Variants in YEATS2 observed in about 807,000 individuals in gnomAD.
YEATS2 encodes the protein YEATS domain-containing protein 2.
YEATS2 carries 77 observed loss-of-function variants against 163.2 expected under a neutral mutation model. That is an observed-to-expected ratio of 0.47 (90% CI 0.39 to 0.57). The LOEUF (loss-of-function observed/expected upper bound fraction) is 0.57, where lower values mean the gene tolerates loss of function less well. YEATS2 is among the 20% of genes least tolerant of loss of function. YEATS2 has a pLI of 0.00. For synonymous variants in YEATS2, 631 were observed against 645.1 expected (o/e 0.98, Z 0.33); for missense variants, 1,549 against 1,729.8 (o/e 0.90, Z 1.85).
At chr3:183,718,408 T>C (rs1290450154) in intron 3 of YEATS2, 92 bp from the exon 4 acceptor site, 15 of 905,866 alleles carry the variant, frequency 1.7e-5, no homozygotes, top group Non-Finnish European at 1.8e-5. Flanking sequence ...CTTTTTTTTT[T>C]CACTCATTCA....
intron 1 of YEATS2, among the ~76,000 whole-genome samples, chr3:183,703,237 C>CTT (rs200837260): frequency 0.018 from 2,760 of 152,236 alleles, 87 homozygotes; most frequent in East Asian, 0.15. Context: ...ATTATTTTTA[C>CTT]TTAAAAGATC....
rs1259824423 is a variant in YEATS2, at chr3:183,775,774, AT to A, written c.2369-139del. The A allele has an allele frequency of 3.1e-6, 4 of 1,279,986 alleles. No individual in the cohort carries two copies. The African/African-American group carries it at 5.8e-5, about 19-fold the overall frequency. 79.3% of individuals were successfully genotyped at this position (1,279,986 alleles called of 1,614,324 possible). A position where few individuals can be genotyped will look rare whatever the true frequency, so the allele number is the denominator to read the frequency against. On this transcript the variant is annotated intron_variant, in intron 17 of 30. Transcript: ENST00000305135. ...CTCACTCTTGTCACAGGGTAGGTAG[AT>A]TACAGAAAAGACGGAGGAAAATGGG...
At chr3:183,790,704 A>G in intron 20 of YEATS2, 93 bp from the exon 21 acceptor site, 1 of 1,364,794 alleles carries the variant, frequency 7.3e-7, no homozygotes. Context: ...AATAGATGAT[A>G]TTTAGTGTGT....
intron 1 of YEATS2, among the ~76,000 whole-genome samples, chr3:183,712,187 CTTTTATTTTA>C (rs58510341): frequency 1.0e-3 from 113 of 113,460 alleles, no homozygotes; most frequent in Non-Finnish European, 1.7e-3. Flanking sequence ...ATTTTATGTT[CTTTTATTTTA>C]TTTTATTTTA....
At chr3:183,790,658 A>T in intron 20 of YEATS2, 139 bp from the exon 21 acceptor site, 1 of 861,104 alleles carries the variant, frequency 1.2e-6, no homozygotes, top group Non-Finnish European at 1.7e-6. Context: ...ATCTTTTTTA[A>T]ATGGTATGGC....
intron 21 of YEATS2, chr3:183,793,318 G>A: frequency 9.1e-7 from 1 of 1,096,002 alleles, no homozygotes; most frequent in African/African-American, 1.6e-5. Context: ...TTTGGATAGA[G>A]AACAAAAAAT....
chr3:183,720,193 C>T (rs916339698), intron 4 of YEATS2, among the ~76,000 whole-genome samples: 4 of 151,966 alleles, frequency 2.6e-5, no homozygotes, highest in African/African-American at 4.8e-5. Flanking sequence ...ATGTGATCAC[C>T]ACTAGATTAT....
intron 10 of YEATS2, among the ~76,000 whole-genome samples, chr3:183,752,824 G>A (rs943017856): frequency 2.2e-4 from 33 of 151,500 alleles, no homozygotes; most frequent in African/African-American, 7.0e-4. Context: ...TTGAGATGGA[G>A]TCTTGCTCTG....
rs1725568212 is a variant in YEATS2, at chr3:183,800,512, G to C, written c.3372G>C (p.Glu1124Asp). The change falls in exon 24 of 31, where the codon GAG becomes GAC. Residue 1124 changes from glutamate (E) to aspartate (D), a missense_variant. By Grantham distance (45) the Glu-to-Asp change is conservative. Transcript: ENST00000305135. ...CTGGACCGAGTTGCCTCTCTCAGGA[G>C]GGTCAGACAGCAGTGAAAACAGAAG... ...ETPGPSCLSQ[E>D]GQTAVKTEES... The C allele has an allele frequency of 6.2e-7, 1 of 1,614,034 alleles. No homozygotes were observed. Among genetic ancestry groups the C allele is most frequent in the South Asian group, 1.1e-5 (1 of 91,078 alleles).
chr3:183,785,588 C>T (rs1054066001), intron 19 of YEATS2, among the ~76,000 whole-genome samples: 4 of 151,556 alleles, frequency 2.6e-5, no homozygotes, highest in South Asian at 2.1e-4. Context: ...CCCAGGAGTT[C>T]GAGGCTGCAG....
intron 8 of YEATS2, among the ~76,000 whole-genome samples, chr3:183,744,035 G>C (rs2203985): frequency 0.23 from 34,947 of 150,456 alleles, 4,270 homozygotes; most frequent in East Asian, 0.31. Flanking sequence ...AAATAAAAGG[G>C]CACACAGCCA....
chr3:183,800,412 G>T, intron 23 of YEATS2, 54 bp from the exon 24 acceptor site: 1 of 1,332,726 alleles, frequency 7.5e-7, no homozygotes, highest in South Asian at 1.2e-5. Context: ...GCCTGCACGT[G>T]TCCTTCCACC....
chr3:183,760,174 T>C (rs1721192428), intron 13 of YEATS2, among the ~76,000 whole-genome samples: 1 of 152,226 alleles, frequency 6.6e-6, no homozygotes, highest in Non-Finnish European at 1.5e-5. Flanking sequence ...TTGAAAGTCT[T>C]AACTCTGCTG....
intron 5 of YEATS2, 104 bp downstream of exon 5, chr3:183,722,240 A>G: frequency 2.4e-6 from 3 of 1,261,466 alleles, no homozygotes; most frequent in Non-Finnish European, 3.2e-6. Context: ...AATCTTAGGA[A>G]ATAGGTTTGT....
intron 29 of YEATS2, among the ~76,000 whole-genome samples, chr3:183,808,510 G>A (rs1231150312): frequency 6.6e-6 from 1 of 152,128 alleles, no homozygotes; most frequent in Non-Finnish European, 1.5e-5. Context: ...TCCTTTCCTC[G>A]TGGATCCTCT....
At chr3:183,738,066 C>T (rs1022252398) in intron 8 of YEATS2, among the ~76,000 whole-genome samples, 17 of 151,958 alleles carry the variant, frequency 1.1e-4, no homozygotes, top group African/African-American at 3.4e-4. Context: ...TTTTGGGGCA[C>T]GACAAACCAT....
chr3:183,775,860 C>G, intron 17 of YEATS2, 55 bp from the exon 18 acceptor site: 1 of 1,608,282 alleles, frequency 6.2e-7, no homozygotes, highest in Non-Finnish European at 8.5e-7. Flanking sequence ...GTTTTTTATG[C>G]TAAAGCTTTG....
intron 17 of YEATS2, among the ~76,000 whole-genome samples, chr3:183,774,874 T>G (rs1722813345): frequency 6.6e-6 from 1 of 152,132 alleles, no homozygotes; most frequent in African/African-American, 2.4e-5. Flanking sequence ...AAGTTAAATG[T>G]GTAAGAAAAG....
intron 1 of YEATS2, among the ~76,000 whole-genome samples, chr3:183,699,705 C>A (rs1713863427): frequency 1.3e-5 from 2 of 151,922 alleles, no homozygotes; most frequent in Admixed American, 1.3e-4. Context: ...GGGGAAAGGA[C>A]GCAGGAAACA....
Sources: allele counts gnomAD v4.1 joint callset (sites outside exome capture counted in the v4.1 genomes callset), GRCh38; gene constraint gnomAD v4.1.1; transcripts MANE v1.5; gene names NCBI Gene and HGNC (gene_info 2026-07-23, HGNC 2026-07-21).